The following METTL4 variants were observed in gnomAD, a reference collection of about 807,000 sequenced individuals.
The protein encoded by METTL4 is methyltransferase 4, N6-adenosine, also known as N(6)-adenine-specific methyltransferase METTL4.
In METTL4, 40 loss-of-function variants were observed where a neutral mutation model predicts 54.0. The observed-to-expected ratio is 0.74, with a 90% CI of 0.58 to 0.96. The LOEUF is 0.96. Ranked by LOEUF, METTL4 falls within the 50% of genes least tolerant of loss-of-function variation. The pLI, the probability that METTL4 is intolerant of heterozygous loss-of-function variation, is 0.00. For missense variants in METTL4, 525 were observed against 549.0 expected (o/e 0.96, Z 0.44); for synonymous variants, 169 against 183.8 (o/e 0.92, Z 0.65).
At chr18:2,544,629 A>G in intron 7 of METTL4, 24 bp downstream of exon 7, 1 of 1,434,140 alleles carries the variant, frequency 7.0e-7, no homozygotes, top group Non-Finnish European at 9.7e-7. Context: ...CATGTATACA[A>G]TTTTGAAAAA....
Position 2,567,087 on chromosome 18 carries a change from G to T in METTL4, c.130C>A (p.His44Asn), listed in dbSNP as rs780804758. The T allele has an allele frequency of 1.2e-6, 2 of 1,614,164 alleles. No individual in the cohort carries two copies. The highest frequency in any genetic ancestry group is 1.1e-5 in the South Asian group (1 of 91,066). ...GAATCCATTTGAAGAGACTCAAAGTGAACAGAAGTAGTGAACTCCTTTTTA... is the reference window on the plus strand; with the variant it reads ...GAATCCATTTGAAGAGACTCAAAGTTAACAGAAGTAGTGAACTCCTTTTTA... Reference protein sequence around the residue: ...CRKKEFTTSVHFESLQMDSVS... With the variant: ...CRKKEFTTSVNFESLQMDSVS... Residue 44 changes from histidine (H) to asparagine (N), a missense_variant, in exon 2 of 9, where the codon CAC (histidine) becomes AAC (asparagine). His to Asn is a moderately conservative substitution (Grantham distance 68). Coordinates refer to ENST00000574538, the MANE Select transcript of METTL4 (RefSeq NM_022840.5).
chr18:2,540,212 T>C (rs1169834019), intron 8 of METTL4: 1 of 985,128 alleles, frequency 1.0e-6, no homozygotes, highest in Non-Finnish European at 1.2e-6. Context: ...TTCACTCAAT[T>C]GGATGACAAA....
chr18:2,558,981 T>C (rs1263875085), intron 3 of METTL4, among the ~76,000 whole-genome samples: 2 of 152,170 alleles, frequency 1.3e-5, no homozygotes, highest in Non-Finnish European at 2.9e-5. Context: ...TCGGCAAGGA[T>C]GTGGAGAAAC....
intron 1 of METTL4, chr18:2,568,286 T>C (rs1466278386): frequency 6.6e-6 from 1 of 152,210 alleles, no homozygotes; most frequent in Non-Finnish European, 1.5e-5. Context: ...CATTCATGTC[T>C]GTACAATGAA....
chr18:2,552,139 G>A (rs556011425), intron 5 of METTL4, among the ~76,000 whole-genome samples: 1 of 152,182 alleles, frequency 6.6e-6, no homozygotes, highest in East Asian at 1.9e-4. Context: ...GTTCCAGTGA[G>A]CCAAGATCGC....
In METTL4 at chr18:2,554,864, T is replaced by A. The variant is rs1198195233; in HGVS notation, c.634A>T (p.Asn212Tyr). The change falls in exon 4 of 9, where the codon AAT becomes TAT. Residue 212 changes from asparagine (N) to tyrosine (Y), a missense_variant. Transcript: ENST00000574538. ...TGTAATGTCTGATGTTCCATTTCAT[T>A]CAGAGAAGGCAAATGCTTTGCCATT... ...CEMAKHLPSL[N>Y]EMEHQTLQLV... 1 of 1,613,980 alleles carries A rather than the reference T, an allele frequency of 6.2e-7. No homozygotes were observed. The highest frequency in any genetic ancestry group is 8.5e-7 in the Non-Finnish European group (1 of 1,179,902).
At chr18:2,559,242 A>G (rs1439868912) in intron 3 of METTL4, among the ~76,000 whole-genome samples, 1 of 152,252 alleles carries the variant, frequency 6.6e-6, no homozygotes, top group Non-Finnish European at 1.5e-5. Context: ...TGGATAAACA[A>G]AATGTAATAT....
intron 5 of METTL4, among the ~76,000 whole-genome samples, chr18:2,551,729 A>G: frequency 6.6e-6 from 1 of 152,100 alleles, no homozygotes; most frequent in East Asian, 1.9e-4. Context: ...GAAAAAGGAA[A>G]GAAAAGAAAC....
Position 2,547,573 on chromosome 18 carries a change from A to G in METTL4, c.900-44T>C, listed in dbSNP as rs759663520. 33 of 1,461,506 alleles carry G rather than the reference A, an allele frequency of 2.3e-5. 1 individual carries two copies. The highest frequency in any genetic ancestry group is 3.6e-4 in the Middle Eastern group (2 of 5,544). 90.5% of individuals were successfully genotyped at this position (1,461,506 alleles called of 1,614,324 possible). On this transcript the variant is annotated intron_variant, in intron 5 of 8. Transcript: ENST00000574538. ...AAGGATGAGCAAAATTCACTGCAAAAGAAGAAAACTAAGCAGGGATAAGAC... is the reference window on the plus strand; with the variant it reads ...AAGGATGAGCAAAATTCACTGCAAAGGAAGAAAACTAAGCAGGGATAAGAC...
chr18:2,545,178 A>T (rs1440684374), intron 6 of METTL4, among the ~76,000 whole-genome samples: 3 of 152,084 alleles, frequency 2.0e-5, no homozygotes, highest in African/African-American at 7.2e-5. Flanking sequence ...TGCTTCTATA[A>T]GAGATTTTTA....
intron 8 of METTL4, among the ~76,000 whole-genome samples, chr18:2,543,862 A>G (rs1442528174): frequency 6.6e-6 from 1 of 152,208 alleles, no homozygotes; most frequent in African/African-American, 2.4e-5. Context: ...CAAGGGATAC[A>G]GCCCCGGTAG....
intron 2 of METTL4, 67 bp from the exon 3 acceptor site, chr18:2,563,926 CAT>C (rs2143580766): frequency 1.0e-6 from 1 of 994,862 alleles, no homozygotes; most frequent in Non-Finnish European, 1.6e-6. Context: ...TTCATTATAA[CAT>C]TATTTATGTC....
At chr18:2,565,845 G>A (rs1807366039) in intron 2 of METTL4, among the ~76,000 whole-genome samples, 1 of 152,040 alleles carries the variant, frequency 6.6e-6, no homozygotes, top group African/African-American at 2.4e-5. Context: ...AGGAGATCAA[G>A]ATCACCCTGG....
At chr18:2,556,207 G>A (rs2072236225) in intron 3 of METTL4, among the ~76,000 whole-genome samples, 1 of 152,120 alleles carries the variant, frequency 6.6e-6, no homozygotes, top group Admixed American at 6.5e-5. Flanking sequence ...ACCCAGGGCT[G>A]AGAATAGTTA....
Position 2,567,181 on chromosome 18 carries a change from T to C in METTL4, c.36A>G (p.Leu12=), listed in dbSNP as rs1251312477. 4.3e-6 allele frequency: 7 copies of C among 1,612,642 alleles called. No homozygotes were observed. The highest frequency in any genetic ancestry group is 1.3e-5 in the African/African-American group (1 of 74,918). The change falls in exon 2 of 9, where the codon TTA becomes TTG. Residue 12 remains leucine, a synonymous_variant. Transcript: ENST00000574538. ...TGTTGATAAAAGAAAGATGATCCAG[T>C]AACCACCCAGCTGACAACTGGTGTA... ...SVVHQLSAGW[L]LDHLSFINKI...
chr18:2,543,921 T>G (rs1315399830), intron 8 of METTL4, among the ~76,000 whole-genome samples: 1 of 152,212 alleles, frequency 6.6e-6, no homozygotes, highest in Non-Finnish European at 1.5e-5. Flanking sequence ...CCATCAGCAT[T>G]CTTTGTGTCA....
At chr18:2,542,949 G>A (rs561383042) in intron 8 of METTL4, among the ~76,000 whole-genome samples, 35 of 151,930 alleles carry the variant, frequency 2.3e-4, no homozygotes, top group Admixed American at 1.2e-3. Flanking sequence ...CCAACATGGC[G>A]AAACCCCGTC....
chr18:2,554,836 A>G lies in METTL4; in HGVS notation c.662T>C (p.Leu221Ser), dbSNP rs1395521966. 2 of 1,613,962 alleles carry G rather than the reference A, an allele frequency of 1.2e-6. No individual in the cohort carries two copies. The highest frequency in any genetic ancestry group is 1.3e-5 in the African/African-American group (1 of 75,042). Residue 221 changes from leucine (L) to serine (S), a missense_variant, in exon 4 of 9, where the codon TTG becomes TCG. Transcript: ENST00000574538. Reference protein sequence around the residue: ...LNEMEHQTLQLVEEDTSVTEQ... With the variant: ...LNEMEHQTLQSVEEDTSVTEQ... Reference sequence around the variant, plus strand: ...TGTAACAGATGTATCCTCTTCCACCAATTGTAATGTCTGATGTTCCATTTC... The same window carrying G: ...TGTAACAGATGTATCCTCTTCCACCGATTGTAATGTCTGATGTTCCATTTC...
At chr18:2,540,550 A>G (rs1324534009) in intron 8 of METTL4, 1 of 985,344 alleles carries the variant, frequency 1.0e-6, no homozygotes, top group Non-Finnish European at 1.2e-6. Flanking sequence ...GAAGAATTAA[A>G]AGGTTTCACT....
Sources: gnomAD v4.1 joint callset for allele counts (sites outside exome capture counted in the v4.1 genomes callset) on GRCh38, gnomAD v4.1.1 for gene constraint, MANE v1.5 for transcripts, NCBI Gene and HGNC (gene_info 2026-07-23, HGNC 2026-07-21) for gene names.